The following PTP4A3 variants were observed in gnomAD, a reference collection of about 807,000 sequenced individuals.
PTP4A3 encodes the protein protein tyrosine phosphatase 4A3.
A neutral mutation model predicts 15.2 loss-of-function variants in PTP4A3; 9 were observed. That is an observed-to-expected ratio of 0.59 (90% CI 0.36 to 1.03). PTP4A3 has a LOEUF of 1.03. Among genes scored for constraint, PTP4A3 ranks in the 50% least tolerant of loss-of-function variants. The pLI is 0.02. For missense variants in PTP4A3, 234 were observed against 252.1 expected (o/e 0.93, Z 0.49); for synonymous variants, 95 against 102.0 (o/e 0.93, Z 0.41).
At chr8:141,400,767 G>T (rs1414594582) in intron 1 of PTP4A3, among the ~76,000 whole-genome samples, 1 of 152,216 alleles carries the variant, frequency 6.6e-6, no homozygotes, top group Non-Finnish European at 1.5e-5. Context: ...TTGGGGGGCT[G>T]CCCGGGTCCA....
intron 2 of PTP4A3, among the ~76,000 whole-genome samples, chr8:141,423,483 G>C (rs1036900028): frequency 1.3e-5 from 2 of 151,660 alleles, no homozygotes; most frequent in African/African-American, 4.9e-5. Flanking sequence ...ACCAGGGTCA[G>C]GGTTCGGTGT....
intron 1 of PTP4A3, among the ~76,000 whole-genome samples, chr8:141,405,690 C>T (rs1016453617): frequency 4.6e-5 from 7 of 151,726 alleles, no homozygotes; most frequent in Admixed American, 6.6e-5. Flanking sequence ...TCTTGTCCTG[C>T]GTGGGGAGAG....
chr8:141,414,981 G>A (rs1208309775), intron 1 of PTP4A3, among the ~76,000 whole-genome samples: 1 of 143,704 alleles, frequency 7.0e-6, no homozygotes, highest in Admixed American at 6.8e-5. Context: ...AACTATGTTA[G>A]AAGTTGTGTA....
chr8:141,403,141 C>T (rs1351906479), intron 1 of PTP4A3, among the ~76,000 whole-genome samples: 5 of 152,208 alleles, frequency 3.3e-5, no homozygotes, highest in African/African-American at 1.2e-4. Context: ...CCTGGGCCAA[C>T]CCCAGGATGA....
At chr8:141,397,159 A>G (rs1832472261) in intron 1 of PTP4A3, among the ~76,000 whole-genome samples, 1 of 152,206 alleles carries the variant, frequency 6.6e-6, no homozygotes, top group Non-Finnish European at 1.5e-5. Context: ...GAGCTGTGTT[A>G]CACGCAGGGA....
chr8:141,416,329 C>T lies in PTP4A3; in HGVS notation c.-853-5059C>T, dbSNP rs551487051. Among the ~76,000 whole-genome samples, 725 of 152,196 alleles carry T rather than the reference C, an allele frequency of 4.8e-3. 7 individuals carry two copies. The highest frequency in any genetic ancestry group is 6.1e-3 in the Non-Finnish European group (413 of 67,996). On this transcript the variant is annotated intron_variant, in intron 1 of 5. Coordinates refer to ENST00000521578, the MANE Select transcript of PTP4A3 (RefSeq NM_032611.3). ...CCCAGCTCCAAATGTGGTTTTTCTG[C>T]CTTCTGGCTGTGTGACTCAGAAGGG... is the stretch of plus-strand genomic sequence containing the variant.
intron 1 of PTP4A3, among the ~76,000 whole-genome samples, chr8:141,415,629 G>A (rs181797753): frequency 1.6e-4 from 16 of 97,898 alleles, no homozygotes; most frequent in Admixed American, 9.1e-4. Context: ...GAGGGCGGGG[G>A]GCAGGGGGCG....
rs998775919 is a variant in PTP4A3, at chr8:141,431,635, C to T, written c.*591C>T. 2.6e-5 allele frequency: 4 copies of T among 152,594 alleles called. No homozygotes were observed. Among genetic ancestry groups the T allele is most frequent in the African/African-American group, 9.7e-5 (4 of 41,442 alleles). The allele number at this position is 152,594 out of a possible 1,614,324, so 9.5% of individuals were successfully genotyped here. On this transcript the variant is annotated 3_prime_UTR_variant, in exon 6 of 6. Coordinates refer to ENST00000521578, the MANE Select transcript of PTP4A3 (RefSeq NM_032611.3). Reference sequence around the variant, plus strand: ...GCCCAGGATGGGGCTCCCGCGTGCTCTTGCGCTGCCCTCTGGTGGCCGCTC... The same window carrying T: ...GCCCAGGATGGGGCTCCCGCGTGCTTTTGCGCTGCCCTCTGGTGGCCGCTC...
chr8:141,410,899 C>T (rs1832852005), intron 1 of PTP4A3, among the ~76,000 whole-genome samples: 2 of 152,192 alleles, frequency 1.3e-5, no homozygotes, highest in African/African-American at 4.8e-5. Flanking sequence ...CCTGCCTTGG[C>T]TTTGAGCTGA....
intron 1 of PTP4A3, among the ~76,000 whole-genome samples, chr8:141,416,534 G>C (rs1447556174): frequency 6.6e-6 from 1 of 152,188 alleles, no homozygotes; most frequent in Non-Finnish European, 1.5e-5. Context: ...GACGCTGCTG[G>C]AAGTGGTGAG....
At chr8:141,416,534 G>A (rs1447556174) in intron 1 of PTP4A3, among the ~76,000 whole-genome samples, 1 of 152,188 alleles carries the variant, frequency 6.6e-6, no homozygotes, top group Non-Finnish European at 1.5e-5. Context: ...GACGCTGCTG[G>A]AAGTGGTGAG....
chr8:141,425,168 T>A lies in PTP4A3; in HGVS notation c.198+28T>A, dbSNP rs763224469. On this transcript the variant is annotated intron_variant, in intron 3 of 5. Coordinates refer to ENST00000521578, the MANE Select transcript of PTP4A3 (RefSeq NM_032611.3). The surrounding 1 kb of genome is among the most constrained non-coding windows in gnomAD (Gnocchi z 4.2). The stretch of plus-strand genomic sequence containing the variant: ...GAGGCGCGCGCCACGGGGACCCTAG[T>A]CACTGCTGCCACCGGGGGAGGGTGG... The A allele has an allele frequency of 5.3e-6, 3 of 565,880 alleles. No individual in the cohort carries two copies. Among genetic ancestry groups the A allele is most frequent in the Non-Finnish European group, 1.0e-5 (3 of 299,190 alleles). The allele number at this position is 565,880 out of a possible 1,614,324, so 35.1% of individuals were successfully genotyped here. A position where few individuals can be genotyped will look rare whatever the true frequency, so the allele number is the denominator to read the frequency against.
At chr8:141,394,318 C>A (rs1014143013) in intron 1 of PTP4A3, among the ~76,000 whole-genome samples, 4 of 152,156 alleles carry the variant, frequency 2.6e-5, no homozygotes, top group Admixed American at 1.3e-4. Flanking sequence ...TTTTCGCCCC[C>A]CAAGACCTTG....
intron 1 of PTP4A3, among the ~76,000 whole-genome samples, chr8:141,397,367 C>T (rs146759759): frequency 0.01 from 1,574 of 152,332 alleles, 27 homozygotes; most frequent in African/African-American, 0.035. Flanking sequence ...GAATGGAGCC[C>T]CCGGGTGGGC....
rs147800151 is a variant in PTP4A3, at chr8:141,423,624, T to C, written c.105+1279T>C. Reference sequence around the variant, plus strand: ...ATTAGCGCTCAGTATGTGACCAAGGTTGGGGCTCAGTGTTTGACCAGGATC... The same window carrying C: ...ATTAGCGCTCAGTATGTGACCAAGGCTGGGGCTCAGTGTTTGACCAGGATC... On this transcript the variant is annotated intron_variant, in intron 2 of 5. Transcript: ENST00000521578. Among the ~76,000 whole-genome samples the C allele has an allele frequency of 2.4e-3, 361 of 150,474 alleles. 2 individuals carry two copies. Among genetic ancestry groups the C allele is most frequent in the African/African-American group, 7.4e-3 (299 of 40,632 alleles).
chr8:141,399,989 C>G (rs1377475377), intron 1 of PTP4A3, among the ~76,000 whole-genome samples: 1 of 152,264 alleles, frequency 6.6e-6, no homozygotes, highest in African/African-American at 2.4e-5. Flanking sequence ...TCACTGCAAA[C>G]CTCCGCTTCC....
Position 141,425,271 on chromosome 8 carries a change from C to T in PTP4A3, c.198+131C>T, listed in dbSNP as rs1052658761. On this transcript the variant is annotated intron_variant, in intron 3 of 5. Transcript: ENST00000521578. The surrounding 1 kb of genome is among the most constrained non-coding windows in gnomAD (Gnocchi z 4.2). ...CCTGGGCATGTCTGTGCCTGGGCCA[C>T]GTGTGTGTCTGGGTACATCAAGGGA... 12 of 909,240 alleles carry T rather than the reference C, an allele frequency of 1.3e-5. No homozygotes were observed. The highest frequency in any genetic ancestry group is 2.1e-5 in the Admixed American group (1 of 46,852). 56.3% of individuals were successfully genotyped at this position (909,240 alleles called of 1,614,324 possible).
intron 1 of PTP4A3, among the ~76,000 whole-genome samples, chr8:141,394,924 G>T (rs138746128): frequency 2.6e-5 from 4 of 152,264 alleles, no homozygotes; most frequent in African/African-American, 9.6e-5. Context: ...GGTGTGTGCG[G>T]TTGGGGGCGG....
chr8:141,422,244 G>A lies in PTP4A3; in HGVS notation c.4G>A (p.Ala2Thr). ...GCCGGGCCCGTCGGGAGGCGCCATG[G>A]CTCGGATGAACCGCCCGGCCCCGGT... M[A>T]RMNRPAPVEV... The change falls in exon 2 of 6, where the codon GCT becomes ACT. Residue 2 changes from alanine to threonine, a missense_variant. Transcript: ENST00000521578. The A allele has an allele frequency of 6.2e-7, 1 of 1,613,000 alleles. No individual in the cohort carries two copies. Among genetic ancestry groups the A allele is most frequent in the Non-Finnish European group, 8.5e-7 (1 of 1,179,988 alleles).
Sources: allele counts gnomAD v4.1 joint callset (sites outside exome capture counted in the v4.1 genomes callset), GRCh38; gene constraint gnomAD v4.1.1; non-coding constraint Gnocchi (gnomAD v3.1); transcripts MANE v1.5; gene names NCBI Gene and HGNC (gene_info 2026-07-23, HGNC 2026-07-21).